Variants in ZNF385D observed in about 807,000 individuals in gnomAD.
ZNF385D encodes the protein zinc finger protein 385D, also known as zinc finger protein 659.
A neutral mutation model predicts 35.8 loss-of-function variants in ZNF385D; 15 were observed. The observed-to-expected ratio is 0.42, with a 90% CI of 0.28 to 0.64. The LOEUF (loss-of-function observed/expected upper bound fraction) is 0.64. Ranked by LOEUF, ZNF385D falls within the 30% of genes least tolerant of loss-of-function variation. The pLI is 0.23. For synonymous variants in ZNF385D, 212 were observed against 186.8 expected (o/e 1.13, Z -1.10); for missense variants, 474 against 494.6 (o/e 0.96, Z 0.39).
chr3:22,218,458 T>C (rs778699714), intron 2 of ZNF385D, among the ~76,000 whole-genome samples: 26 of 151,892 alleles, frequency 1.7e-4, no homozygotes, highest in Non-Finnish European at 2.9e-4. Context: ...TATAAATATA[T>C]GTATATATAT....
intron 5 of ZNF385D, among the ~76,000 whole-genome samples, chr3:21,433,783 G>A (rs765960941): frequency 1.3e-5 from 2 of 152,102 alleles, no homozygotes; most frequent in Non-Finnish European, 2.9e-5. Context: ...AAAATATTTT[G>A]TTAGTCTATA....
At chr3:22,022,154 C>A (rs541856642) in intron 3 of ZNF385D, among the ~76,000 whole-genome samples, 2 of 151,940 alleles carry the variant, frequency 1.3e-5, no homozygotes, top group Non-Finnish European at 2.9e-5. Flanking sequence ...AAATACATCA[C>A]CTAGAATTAT....
At chr3:21,843,145 C>A (rs1334184866) in intron 3 of ZNF385D, among the ~76,000 whole-genome samples, 1 of 151,968 alleles carries the variant, frequency 6.6e-6, no homozygotes, top group Non-Finnish European at 1.5e-5. Context: ...TGTCTCATTT[C>A]AAGACAAGCT....
chr3:22,344,485 G>A (rs1361379515), intron 2 of ZNF385D, among the ~76,000 whole-genome samples: 2 of 152,162 alleles, frequency 1.3e-5, no homozygotes, highest in South Asian at 2.1e-4. Context: ...GACCTCCCGG[G>A]CTCAAGTGAT....
intron 3 of ZNF385D, among the ~76,000 whole-genome samples, chr3:22,164,119 C>T (rs1349996963): frequency 6.6e-6 from 1 of 150,378 alleles, no homozygotes; most frequent in African/African-American, 2.4e-5. Flanking sequence ...AGGTAAAGCA[C>T]TAATTCGCTT....
chr3:22,142,882 A>G (rs958158981), intron 3 of ZNF385D, among the ~76,000 whole-genome samples: 5 of 152,218 alleles, frequency 3.3e-5, no homozygotes, highest in African/African-American at 1.2e-4. Context: ...CTCTTACCCC[A>G]TAAAGAATAG....
At chr3:21,491,256 A>G (rs1427303386) in intron 4 of ZNF385D, among the ~76,000 whole-genome samples, 2 of 150,614 alleles carry the variant, frequency 1.3e-5, no homozygotes, top group Non-Finnish European at 1.5e-5. Context: ...GGACTCAGAC[A>G]TTAGGTTTCT....
chr3:22,108,257 C>T (rs1317662836), intron 3 of ZNF385D, among the ~76,000 whole-genome samples: 1 of 152,116 alleles, frequency 6.6e-6, no homozygotes, highest in East Asian at 1.9e-4. Flanking sequence ...GTAGCAACTT[C>T]TTACTCATTT....
At chr3:21,816,956 A>G (rs1271675338) in intron 3 of ZNF385D, among the ~76,000 whole-genome samples, 1 of 152,158 alleles carries the variant, frequency 6.6e-6, no homozygotes, top group African/African-American at 2.4e-5. Context: ...ACAGTAACCA[A>G]AACAGCATGG....
chr3:22,128,488 C>T (rs1237487495), intron 3 of ZNF385D, among the ~76,000 whole-genome samples: 2 of 151,982 alleles, frequency 1.3e-5, no homozygotes, highest in African/African-American at 4.8e-5. Context: ...ACCAATAGCT[C>T]CTCTTTAAGA....
intron 1 of ZNF385D, among the ~76,000 whole-genome samples, chr3:21,708,771 T>A (rs185406348): frequency 6.6e-6 from 1 of 152,262 alleles, no homozygotes; most frequent in Admixed American, 6.5e-5. Context: ...TTTCAACAGA[T>A]TTGCATCAGT....
chr3:22,150,974 A>G (rs1353005613), intron 3 of ZNF385D, among the ~76,000 whole-genome samples: 2 of 152,196 alleles, frequency 1.3e-5, no homozygotes, highest in Non-Finnish European at 1.5e-5. Flanking sequence ...AGATTGGCCC[A>G]AGACCCAGCC....
chr3:22,162,916 T>G (rs1012188174), intron 3 of ZNF385D, among the ~76,000 whole-genome samples: 7 of 152,140 alleles, frequency 4.6e-5, no homozygotes, highest in Non-Finnish European at 1.0e-4. Context: ...TAAGATGATT[T>G]TGTGTGCAAG....
chr3:21,978,486 G>A (rs1265103897), intron 3 of ZNF385D, among the ~76,000 whole-genome samples: 4 of 152,220 alleles, frequency 2.6e-5, no homozygotes, highest in African/African-American at 9.6e-5. Context: ...AGTAGATTAG[G>A]ATGTGGGTGT....
intron 1 of ZNF385D, among the ~76,000 whole-genome samples, chr3:21,729,964 A>G (rs758959718): frequency 3.9e-5 from 6 of 152,010 alleles, no homozygotes; most frequent in Non-Finnish European, 8.8e-5. Flanking sequence ...TTCTTCCTTC[A>G]CTCACTTATC....
At chr3:22,227,355 A>T (rs116015345) in intron 2 of ZNF385D, among the ~76,000 whole-genome samples, 2,545 of 152,210 alleles carry the variant, frequency 0.017, 50 homozygotes, top group South Asian at 0.1. Flanking sequence ...GAAGGACGTG[A>T]ATCTGATTGT....
At chr3:21,765,649 A>AG (rs1372489165) in intron 3 of ZNF385D, among the ~76,000 whole-genome samples, 2 of 151,496 alleles carry the variant, frequency 1.3e-5, no homozygotes, top group East Asian at 1.9e-4. Context: ...ACAACAAAAA[A>AG]AAAATAGAAA....
intron 2 of ZNF385D, among the ~76,000 whole-genome samples, chr3:22,218,994 A>C (rs1272918077): frequency 6.6e-6 from 1 of 152,168 alleles, no homozygotes; most frequent in Non-Finnish European, 1.5e-5. Context: ...AAGATATCAT[A>C]ATCTAGCAAT....
At chr3:21,868,628 T>C (rs1697512814) in intron 3 of ZNF385D, among the ~76,000 whole-genome samples, 1 of 152,144 alleles carries the variant, frequency 6.6e-6, no homozygotes, top group Non-Finnish European at 1.5e-5. Context: ...GCTGAGACAC[T>C]GTGGGACAAT....
Sources: allele counts gnomAD v4.1 joint callset (sites outside exome capture counted in the v4.1 genomes callset), GRCh38; gene constraint gnomAD v4.1.1; transcripts MANE v1.5; gene names NCBI Gene and HGNC (gene_info 2026-07-23, HGNC 2026-07-21).